CNTNAP5: variants seen among roughly 807,000 people sequenced by gnomAD.
The protein encoded by CNTNAP5 is contactin associated protein family member 5.
In CNTNAP5, 72 loss-of-function variants were observed where a neutral mutation model predicts 150.2. The observed-to-expected ratio is 0.48, with a 90% CI of 0.40 to 0.58. CNTNAP5 has a LOEUF of 0.58. CNTNAP5 is among the 20% of genes least tolerant of loss of function. The pLI, the probability that CNTNAP5 is intolerant of heterozygous loss-of-function variation, is 0.00. For synonymous variants in CNTNAP5, 672 were observed against 619.8 expected (o/e 1.08, Z -1.25); for missense variants, 1,636 against 1,626.2 (o/e 1.01, Z -0.10).
intron 5 of CNTNAP5, among the ~76,000 whole-genome samples, chr2:124,445,500 T>C (rs1020443122): frequency 1.3e-5 from 2 of 152,226 alleles, no homozygotes; most frequent in Admixed American, 6.5e-5. Context: ...AACTCAGAAG[T>C]TGTGGAACAA....
Position 124,134,507 on chromosome 2 carries a change from A to G in CNTNAP5, c.83-87198A>G, listed in dbSNP as rs541426694. Among the ~76,000 whole-genome samples the G allele has an allele frequency of 2.7e-4, 41 of 152,348 alleles. 1 individual carries two copies. The South Asian group carries it at 8.3e-3, about 31-fold the overall frequency. On this transcript the variant is annotated intron_variant, in intron 1 of 23. Transcript: ENST00000682447. ...TCTTTTCTTCAGAAAGCTTGCTATT[A>G]GTAAATTAACCTCAGCCAGTGTTCT...
chr2:124,873,974 A>G (rs1285372447), intron 21 of CNTNAP5, among the ~76,000 whole-genome samples: 2 of 152,108 alleles, frequency 1.3e-5, no homozygotes, highest in African/African-American at 2.4e-5. Flanking sequence ...GTGGTTTAGT[A>G]CATACTCTAT....
rs1278178398 is a variant in CNTNAP5 at position 124,903,050 on chromosome 2, T to C, written c.3605T>C (p.Phe1202Ser). Reference sequence around the variant, plus strand: ...ACCTTGACGGAATCCAGCTGTGGCTTCATGGTGGACTCAGATGTGAATGCA... The same window carrying C: ...ACCTTGACGGAATCCAGCTGTGGCTCCATGGTGGACTCAGATGTGAATGCA... ...HGTLTESSCG[F>S]MVDSDVNAVT... Residue 1202 changes from phenylalanine to serine, a missense_variant, in exon 22 of 24, where the codon TTC becomes TCC. Phe to Ser is a radical substitution (Grantham distance 155). Coordinates refer to ENST00000682447, the MANE Select transcript of CNTNAP5 (RefSeq NM_001367498.1). The C allele has an allele frequency of 4.4e-6, 7 of 1,604,044 alleles. No individual in the cohort carries two copies. The highest frequency in any genetic ancestry group is 5.1e-6 in the Non-Finnish European group (6 of 1,174,928).
At chr2:124,840,834 G>A (rs1221457862) in intron 19 of CNTNAP5, among the ~76,000 whole-genome samples, 2 of 152,200 alleles carry the variant, frequency 1.3e-5, no homozygotes, top group East Asian at 3.9e-4. Context: ...GCACTAACTA[G>A]TCTGTCTTCC....
At position 124,390,238 on chromosome 2, in the gene CNTNAP5, T is replaced by G. The variant is rs76402514; in HGVS notation, c.382-27205T>G. ...ATCTTTCTCTGCCTTCCTTTTTAAA[T>G]TTTTCTTTGTGATTTTGATTTCTCA... On this transcript the variant is annotated intron_variant, in intron 3 of 23. Coordinates refer to ENST00000682447, the MANE Select transcript of CNTNAP5 (RefSeq NM_001367498.1). Among the ~76,000 whole-genome samples the G allele has an allele frequency of 1.1e-3, 172 of 152,334 alleles. 1 individual carries two copies. In the East Asian group the frequency reaches 0.025, roughly 22 times the overall value.
chr2:124,662,475 G>A (rs1244287083), intron 13 of CNTNAP5, among the ~76,000 whole-genome samples: 1 of 152,180 alleles, frequency 6.6e-6, no homozygotes, highest in Non-Finnish European at 1.5e-5. Context: ...TGCAGCACAT[G>A]ACTGTATACA....
chr2:124,157,207 C>T (rs1339987131), intron 1 of CNTNAP5, among the ~76,000 whole-genome samples: 1 of 152,140 alleles, frequency 6.6e-6, no homozygotes, highest in Non-Finnish European at 1.5e-5. Flanking sequence ...ATGTCTGTCT[C>T]CCTCACAGCC....
intron 10 of CNTNAP5, among the ~76,000 whole-genome samples, chr2:124,550,967 A>T (rs946548015): frequency 2.6e-5 from 4 of 152,052 alleles, no homozygotes; most frequent in African/African-American, 4.8e-5. Flanking sequence ...ATTCTTCTTG[A>T]TTCTGAATGT....
At chr2:124,712,908 G>T (rs1010331493) in intron 13 of CNTNAP5, among the ~76,000 whole-genome samples, 5 of 152,038 alleles carry the variant, frequency 3.3e-5, no homozygotes, top group Non-Finnish European at 5.9e-5. Flanking sequence ...TGTTGAGTCT[G>T]TCCTTCAGGC....
chr2:124,527,407 C>T lies in CNTNAP5; in HGVS notation c.1600C>T (p.Leu534=). ...CCTCATTTCAGTTCAGCAAGGTTCCCTGGGGAATTTTAGTGATTTACACAT... is the reference window on the plus strand; with the variant it reads ...CCTCATTTCAGTTCAGCAAGGTTCCTTGGGGAATTTTAGTGATTTACACAT... The part of the protein sequence containing the change: ...KDLISVQQGS[L]GNFSDLHIDL... Residue 534 remains leucine (L), a synonymous_variant, in exon 10 of 24, where the codon CTG becomes TTG. Coordinates refer to ENST00000682447, the MANE Select transcript of CNTNAP5 (RefSeq NM_001367498.1). The T allele has an allele frequency of 1.2e-6, 2 of 1,613,708 alleles. No individual in the cohort carries two copies. The highest frequency in any genetic ancestry group is 1.7e-6 in the Non-Finnish European group (2 of 1,179,686).
rs114830733 is a variant in CNTNAP5, at chr2:124,060,231, G to A, written c.82+34499G>A. Among the ~76,000 whole-genome samples the A allele has an allele frequency of 5.3e-3, 802 of 152,232 alleles. 3 individuals are homozygous for A. The highest frequency in any genetic ancestry group is 0.018 in the African/African-American group (757 of 41,520). The stretch of plus-strand genomic sequence containing the variant: ...CTATACCCACTTGTATCAGAAATCC[G>A]TCCACTATGAAGATATCTGTCATGA... On this transcript the variant is annotated intron_variant, in intron 1 of 23. Transcript: ENST00000682447.
intron 1 of CNTNAP5, among the ~76,000 whole-genome samples, chr2:124,043,871 C>G (rs993971947): frequency 6.6e-6 from 1 of 152,262 alleles, no homozygotes; most frequent in Admixed American, 6.5e-5. Flanking sequence ...TTACTTTTTT[C>G]AGGGATAACT....
At chr2:124,032,167 C>G (rs2104621500) in intron 1 of CNTNAP5, among the ~76,000 whole-genome samples, 1 of 152,160 alleles carries the variant, frequency 6.6e-6, no homozygotes, top group South Asian at 2.1e-4. Flanking sequence ...ACGGCATGCA[C>G]TTTAAGGCAC....
intron 10 of CNTNAP5, among the ~76,000 whole-genome samples, chr2:124,531,555 A>G (rs539021151): frequency 1.7e-3 from 255 of 152,296 alleles, no homozygotes; most frequent in African/African-American, 6.0e-3. Flanking sequence ...CCTGAGTAGG[A>G]TATGATGCTG....
At chr2:124,884,076 T>G (rs775751903) in intron 21 of CNTNAP5, among the ~76,000 whole-genome samples, 2 of 152,132 alleles carry the variant, frequency 1.3e-5, no homozygotes, top group Non-Finnish European at 2.9e-5. Context: ...TATGTGCATA[T>G]CTGTCATGTA....
At chr2:124,164,316 G>A (rs549454698) in intron 1 of CNTNAP5, among the ~76,000 whole-genome samples, 7 of 152,238 alleles carry the variant, frequency 4.6e-5, no homozygotes, top group African/African-American at 1.7e-4. Flanking sequence ...ATCTCCTCAA[G>A]GCATGTGCCA....
chr2:124,364,270 A>G (rs1690305049), intron 3 of CNTNAP5, among the ~76,000 whole-genome samples: 1 of 152,160 alleles, frequency 6.6e-6, no homozygotes, highest in Non-Finnish European at 1.5e-5. Flanking sequence ...GGATGGCTCC[A>G]GGGATAACTA....
chr2:124,305,362 A>C (rs1688662379), intron 3 of CNTNAP5, among the ~76,000 whole-genome samples: 1 of 152,186 alleles, frequency 6.6e-6, no homozygotes, highest in South Asian at 2.1e-4. Flanking sequence ...TAATGCTGGT[A>C]ATGCACATAA....
chr2:124,460,032 CT>C, intron 6 of CNTNAP5, among the ~76,000 whole-genome samples: 1 of 152,188 alleles, frequency 6.6e-6, no homozygotes, highest in Middle Eastern at 3.4e-3. Context: ...GTGTAATGCA[CT>C]CATTAAAAGG....
Sources: gnomAD v4.1 joint callset for allele counts (sites outside exome capture counted in the v4.1 genomes callset) on GRCh38, gnomAD v4.1.1 for gene constraint, MANE v1.5 for transcripts, NCBI Gene and HGNC (gene_info 2026-07-23, HGNC 2026-07-21) for gene names.